The following IQCF5 variants were observed in gnomAD, a reference collection of about 807,000 sequenced individuals.
IQCF5 encodes the protein IQ domain-containing protein F5.
IQCF5 carries 2 observed loss-of-function variants against 3.4 expected under a neutral mutation model. The observed-to-expected ratio is 0.58, with a 90% CI of 0.24 to 1.84. IQCF5 has a LOEUF of 1.84. Ranked by LOEUF, IQCF5 falls within the 40% of genes most tolerant of loss-of-function variation. The pLI is 0.17. For synonymous variants in IQCF5, 58 were observed against 64.7 expected, an observed-to-expected ratio of 0.90 and a Z score of 0.49; for missense variants, 167 against 191.6, an observed-to-expected ratio of 0.87 and a Z score of 0.76.
chr3:51,874,238 G>T lies in IQCF5; in HGVS notation c.5-63C>A, dbSNP rs1396726952. The T allele has an allele frequency of 8.8e-6, 13 of 1,471,794 alleles. No individual in the cohort carries two copies. In the Admixed American group the frequency reaches 1.6e-4, roughly 18 times the overall value. The allele number at this position is 1,471,794 out of a possible 1,614,324, so 91.2% of individuals were successfully genotyped here. A position where few individuals can be genotyped will look rare whatever the true frequency, so the allele number is the denominator to read the frequency against. ...GAAGGGGCCCTGATCCTCTATCAAT[G>T]ATGGCTCCTTCCTCTAAAGTTCAGC... On this transcript the variant is annotated intron_variant, in intron 1 of 1. Coordinates refer to ENST00000446461, the MANE Select transcript of IQCF5 (RefSeq NM_001145059.2).
chr3:51,875,478 A>G lies in IQCF5; in HGVS notation c.4+50T>C. 3.2e-6 allele frequency: 5 copies of G among 1,549,764 alleles called. No individual in the cohort carries two copies. In the South Asian group the frequency reaches 6.0e-5, roughly 18 times the overall value. On this transcript the variant is annotated intron_variant, in intron 1 of 1. Transcript: ENST00000446461. ...CTGACTGCCTCTTACAAAACATCTG[A>G]CTGGGGACAGGTCGTAAAATTCGCA... is the stretch of plus-strand genomic sequence containing the variant.
chr3:51,874,278 C>G, intron 1 of IQCF5, 103 bp from the exon 2 acceptor site: 1 of 1,172,578 alleles, frequency 8.5e-7, no homozygotes, highest in African/African-American at 1.5e-5. Context: ...GGCAGGGCAA[C>G]AGCTGAACCC....
intron 1 of IQCF5, 60 bp downstream of exon 1, chr3:51,875,468 A>T: frequency 6.5e-7 from 1 of 1,546,492 alleles, no homozygotes. Flanking sequence ...TGCCTCTTAC[A>T]AAACATCTGA....
At chr3:51,874,490 C>T (rs1698776251) in intron 1 of IQCF5, 1 of 536,976 alleles carries the variant, frequency 1.9e-6, no homozygotes. Context: ...TGCCATCTAC[C>T]TGGGATCCAT....
At chr3:51,874,586 A>T (rs1698777058) in intron 1 of IQCF5, 1 of 382,812 alleles carries the variant, frequency 2.6e-6, no homozygotes, top group South Asian at 2.0e-5. Flanking sequence ...TTCAAGTCAA[A>T]CCCACAAGCT....
At chr3:51,874,297 A>ACCTGGTCTCCTG in intron 1 of IQCF5, 122 bp from the exon 2 acceptor site, 3 of 983,442 alleles carry the variant, frequency 3.1e-6, no homozygotes, top group Non-Finnish European at 4.7e-6. Context: ...CCAGGAGACC[A>ACCTGGTCTCCTG]GGTAGGTGTC....
intron 1 of IQCF5, 63 bp from the exon 2 acceptor site, chr3:51,874,238 G>A: frequency 2.0e-6 from 3 of 1,471,918 alleles, no homozygotes; most frequent in Non-Finnish European, 2.8e-6. Context: ...CTCTATCAAT[G>A]ATGGCTCCTT....
chr3:51,874,519 C>G (rs1037345335), intron 1 of IQCF5: 1 of 475,656 alleles, frequency 2.1e-6, no homozygotes, highest in Non-Finnish European at 4.1e-6. Flanking sequence ...CCTTCAGAGC[C>G]CTCCCATCCG....
chr3:51,874,189 A>G lies in IQCF5; in HGVS notation c.5-14T>C. The G allele has an allele frequency of 6.5e-7, 1 of 1,547,738 alleles. No homozygotes were observed. ...TCTCTTCTGGGCCTTACAAGAGAAA[A>G]CAGACACACTCAGGGTATGCTAGGA... is the stretch of plus-strand genomic sequence containing the variant. On this transcript the variant is annotated splice_polypyrimidine_tract_variant and intron_variant, in intron 1 of 1. Transcript: ENST00000446461.
In IQCF5 at chr3:51,873,956, T is replaced by G. The variant is rs1322842291; in HGVS notation, c.224A>C (p.Gln75Pro). The change falls in exon 2 of 2, where the codon CAG becomes CCG. Residue 75 changes from glutamine (Q) to proline (P), a missense_variant. By Grantham distance (76) the Gln-to-Pro change is moderately conservative (BLOSUM62 -1). Coordinates refer to ENST00000446461, the MANE Select transcript of IQCF5 (RefSeq NM_001145059.2). ...VQQEWAAVRL[Q>P]SWVRMWCVRQ... ...GACACACCACATGCGGACCCAGGAC[T>G]GCAGCCTGACTGCTGCCCATTCCTG... is the stretch of plus-strand genomic sequence containing the variant. 6.4e-7 allele frequency: 1 copy of G among 1,551,966 alleles called. No individual in the cohort carries two copies. The highest frequency in any genetic ancestry group is 2.0e-5 in the Admixed American group (1 of 51,010).
At position 51,874,020 on chromosome 3, in the gene IQCF5, C is replaced by T; in HGVS notation, c.160G>A (p.Ala54Thr). ...TCCAACACCATCCTCCGCCTCTTTG[C>T]CAGCAGCTTCTCCAGCACCTGCCTC... ...WWRQVLEKLL[A>T]KRRRMVLEFY... The change falls in exon 2 of 2, where the codon GCA becomes ACA. Residue 54 changes from alanine (A) to threonine (T), a missense_variant. Coordinates refer to ENST00000446461, the MANE Select transcript of IQCF5 (RefSeq NM_001145059.2). The T allele has an allele frequency of 6.4e-7, 1 of 1,552,922 alleles. No individual in the cohort carries two copies. The highest frequency in any genetic ancestry group is 8.7e-7 in the Non-Finnish European group (1 of 1,147,568).
At position 51,873,814 on chromosome 3, in the gene IQCF5, T is replaced by G. The variant is rs1230350809; in HGVS notation, c.366A>C (p.Gln122His). 2 of 1,551,762 alleles carry G rather than the reference T, an allele frequency of 1.3e-6. No homozygotes were observed. The highest frequency in any genetic ancestry group is 1.7e-6 in the Non-Finnish European group (2 of 1,147,000). The part of the protein sequence containing the change: ...IEGHYELKEN[Q>H]LNIQLEISLG... ...AAGAGATTTCAAGTTGAATATTAAG[T>G]TGGTTTTCTTTGAGTTCATAGTGGC... Residue 122 changes from glutamine (Q) to histidine (H), a missense_variant, in exon 2 of 2, where the codon CAA becomes CAC. By Grantham distance (24) the Gln-to-His change is conservative. Coordinates refer to ENST00000446461, the MANE Select transcript of IQCF5 (RefSeq NM_001145059.2).
chr3:51,875,206 A>T, intron 1 of IQCF5: 1 of 355,368 alleles, frequency 2.8e-6, no homozygotes, highest in South Asian at 2.9e-5. Context: ...TGTTCTATCG[A>T]TGTGATTTCA....
At chr3:51,874,656 G>T (rs958760090) in intron 1 of IQCF5, 7 of 355,264 alleles carry the variant, frequency 2.0e-5, no homozygotes, top group African/African-American at 8.6e-5. Flanking sequence ...CACACATTGT[G>T]AACAGCTTGA....
Position 51,873,971 on chromosome 3 carries a change from G to T in IQCF5, c.209C>A (p.Ala70Glu). ...VLEFYVQQEW[A>E]AVRLQSWVRM... Reference sequence around the variant, plus strand: ...GACCCAGGACTGCAGCCTGACTGCTGCCCATTCCTGCTGCACATAGAACTC... The same window carrying T: ...GACCCAGGACTGCAGCCTGACTGCTTCCCATTCCTGCTGCACATAGAACTC... Residue 70 changes from alanine to glutamate, a missense_variant, in exon 2 of 2, where the codon GCA (alanine) becomes GAA (glutamate). Physicochemically the swap from Ala to Glu is moderately radical, Grantham distance 107. Coordinates refer to ENST00000446461, the MANE Select transcript of IQCF5 (RefSeq NM_001145059.2). 1 of 1,552,098 alleles carries T rather than the reference G, an allele frequency of 6.4e-7. No homozygotes were observed. The highest frequency in any genetic ancestry group is 8.7e-7 in the Non-Finnish European group (1 of 1,147,164).
chr3:51,874,233 T>C, intron 1 of IQCF5, 58 bp from the exon 2 acceptor site: 1 of 1,485,990 alleles, frequency 6.7e-7, no homozygotes, highest in Non-Finnish European at 9.2e-7. Context: ...TGATCCTCTA[T>C]CAATGATGGC....
Position 51,875,568 on chromosome 3 carries a change from G to T in IQCF5, c.-37C>A. ...AGATGGTCCCATCACCCTCCGGCCC[G>T]CACTCCTCCGATCAGGACTCCAACA... On this transcript the variant is annotated 5_prime_UTR_variant, in exon 1 of 2. Transcript: ENST00000446461. 4 of 1,551,644 alleles carry T rather than the reference G, an allele frequency of 2.6e-6. No individual in the cohort carries two copies. Among genetic ancestry groups the T allele is most frequent in the Non-Finnish European group, 3.5e-6 (4 of 1,146,800 alleles).
At chr3:51,875,500 C>T (rs995064722) in intron 1 of IQCF5, 28 bp downstream of exon 1, 27 of 1,551,912 alleles carry the variant, frequency 1.7e-5, no homozygotes, top group South Asian at 5.9e-5. Context: ...TCGTAAAATT[C>T]GCACAGGTCT....
chr3:51,874,160 GTCTTC>G lies in IQCF5; in HGVS notation c.15_19del (p.Glu5AspfsTer107). The G allele has an allele frequency of 6.4e-7, 1 of 1,551,300 alleles. No homozygotes were observed. The highest frequency in any genetic ancestry group is 8.7e-7 in the Non-Finnish European group (1 of 1,146,596). The stretch of plus-strand genomic sequence containing the variant: ...AGCTGCAGACCTTTCTGTCATGATG[GTCTTC>G]TCTTCTGGGCCTTACAAGAGAAAAC... On this transcript the variant is annotated frameshift_variant, in exon 2 of 2. Coordinates refer to ENST00000446461, the MANE Select transcript of IQCF5 (RefSeq NM_001145059.2). LOFTEE classifies it low-confidence loss of function (END_TRUNC).
Sources: allele counts gnomAD v4.1 joint callset, GRCh38; gene constraint gnomAD v4.1.1; transcripts MANE v1.5; gene names NCBI Gene and HGNC (gene_info 2026-07-23, HGNC 2026-07-21).